Variants in MAML2 observed in about 807,000 individuals in gnomAD.
MAML2 encodes mastermind like transcriptional coactivator 2.
Under a neutral mutation model 96.1 loss-of-function variants are expected in MAML2, and 22 were observed. The ratio of observed to expected loss-of-function variants is 0.23; its 90% CI spans 0.16 to 0.33. MAML2 has a LOEUF of 0.33. Ranked by LOEUF, MAML2 falls within the 10% of genes least tolerant of loss-of-function variation. The pLI, the probability that MAML2 is intolerant of heterozygous loss-of-function variation, is 1.00. For missense variants in MAML2, 1,367 were observed against 1,392.4 expected (o/e 0.98, Z 0.29); for synonymous variants, 561 against 521.3 (o/e 1.08, Z -1.04).
intron 3 of MAML2, among the ~76,000 whole-genome samples, chr11:95,986,355 G>A (rs1339211175): frequency 2.6e-5 from 4 of 151,610 alleles, no homozygotes; most frequent in African/African-American, 7.3e-5. Flanking sequence ...CCGCCATCAC[G>A]CCCAGCAAAT....
intron 1 of MAML2, among the ~76,000 whole-genome samples, chr11:96,095,603 T>C (rs990235411): frequency 6.6e-6 from 1 of 152,154 alleles, no homozygotes; most frequent in Admixed American, 6.5e-5. Context: ...AGGAAGCAAA[T>C]CTGTAGAAAG....
intron 1 of MAML2, among the ~76,000 whole-genome samples, chr11:96,162,176 C>CTT (rs36006515): frequency 4.0e-4 from 42 of 105,938 alleles, no homozygotes; most frequent in South Asian, 1.5e-3. Flanking sequence ...ATCAATCTAA[C>CTT]TTTTTTTTTT....
chr11:96,083,172 C>A (rs1386269524), intron 2 of MAML2, among the ~76,000 whole-genome samples: 3 of 152,304 alleles, frequency 2.0e-5, no homozygotes, highest in Non-Finnish European at 4.4e-5. Flanking sequence ...CCAGTGTGTT[C>A]TTTATCCTGC....
chr11:96,139,260 G>A (rs1047096635), intron 1 of MAML2, among the ~76,000 whole-genome samples: 36 of 152,148 alleles, frequency 2.4e-4, no homozygotes, highest in African/African-American at 7.7e-4. Flanking sequence ...GGCAGATCAC[G>A]AGGTCAGGAG....
chr11:96,133,938 A>T (rs1218039841), intron 1 of MAML2, among the ~76,000 whole-genome samples: 1 of 152,168 alleles, frequency 6.6e-6, no homozygotes, highest in Non-Finnish European at 1.5e-5. Context: ...AGGTTGCAGT[A>T]AGCTGAGATC....
intron 1 of MAML2, among the ~76,000 whole-genome samples, chr11:96,240,856 C>G (rs907559971): frequency 9.9e-5 from 15 of 152,100 alleles, no homozygotes; most frequent in African/African-American, 3.4e-4. Flanking sequence ...ATACTATATA[C>G]ACACAAACTT....
rs568662660 is a variant in MAML2, at chr11:96,192,000, A to G, written c.514-98483T>C. Among the ~76,000 whole-genome samples the G allele has an allele frequency of 3.3e-5, 5 of 152,168 alleles. No individual in the cohort carries two copies. In the South Asian group the frequency reaches 1.0e-3, roughly 32 times the overall value. On this transcript the variant is annotated intron_variant, in intron 1 of 4. Coordinates refer to ENST00000524717, the MANE Select transcript of MAML2 (RefSeq NM_032427.4). ...TGTTCTGGCAGGAATTCCCGCAATG[A>G]ACGCTTTCCAACTGGGTAGTATACA...
At chr11:96,221,535 G>T (rs557564851) in intron 1 of MAML2, among the ~76,000 whole-genome samples, 1 of 152,134 alleles carries the variant, frequency 6.6e-6, no homozygotes, top group Admixed American at 6.6e-5. Context: ...GGGAAAGCAG[G>T]AAATATTGTT....
intron 1 of MAML2, among the ~76,000 whole-genome samples, chr11:96,306,866 G>C (rs1021482991): frequency 6.6e-6 from 1 of 152,162 alleles, no homozygotes; most frequent in Non-Finnish European, 1.5e-5. Flanking sequence ...GAGTGAGCAC[G>C]AGGAATTGAT....
intron 1 of MAML2, among the ~76,000 whole-genome samples, chr11:96,308,313 T>C (rs1343661203): frequency 1.3e-5 from 2 of 152,138 alleles, no homozygotes; most frequent in Non-Finnish European, 2.9e-5. Flanking sequence ...TACTAAACAA[T>C]AGTAGAATTC....
intron 2 of MAML2, among the ~76,000 whole-genome samples, chr11:96,009,195 C>T (rs747898003): frequency 9.2e-5 from 14 of 152,192 alleles, no homozygotes; most frequent in Non-Finnish European, 1.9e-4. Context: ...TTAATGCTAA[C>T]GATGGCCATT....
chr11:96,126,242 G>A (rs71475376), intron 1 of MAML2, among the ~76,000 whole-genome samples: 5,476 of 152,258 alleles, frequency 0.036, 122 homozygotes, highest in Middle Eastern at 0.061. Context: ...GATTTTCTGA[G>A]AGAAAATGAC....
chr11:96,156,065 C>T (rs373762240), intron 1 of MAML2, among the ~76,000 whole-genome samples: 1 of 152,172 alleles, frequency 6.6e-6, no homozygotes, highest in African/African-American at 2.4e-5. Context: ...GAAGAATTGG[C>T]CCTCTGCCTG....
chr11:96,321,465 T>C lies in MAML2; in HGVS notation c.513+19918A>G, dbSNP rs117585737. 5.3e-3 allele frequency among the ~76,000 whole-genome samples: 802 copies of C among 152,332 alleles called. 8 individuals are homozygous for C. The highest frequency in any genetic ancestry group is 0.02 in the South Asian group (95 of 4,830). On this transcript the variant is annotated intron_variant, in intron 1 of 4. Transcript: ENST00000524717. ...AAATTCCTTCCAGAGACAAAAGAAATAGACATATTTGCGATATTCCTTCCT... is the reference window on the plus strand; with the variant it reads ...AAATTCCTTCCAGAGACAAAAGAAACAGACATATTTGCGATATTCCTTCCT...
chr11:96,264,223 C>T (rs56052882), intron 1 of MAML2, among the ~76,000 whole-genome samples: 4,944 of 152,286 alleles, frequency 0.032, 106 homozygotes, highest in South Asian at 0.067. Flanking sequence ...CCCTCACAAA[C>T]TAAGATGTCA....
chr11:96,326,763 A>AAAATAAATAAATAAATAAATAAAT (rs146947017), intron 1 of MAML2, among the ~76,000 whole-genome samples: 4 of 151,898 alleles, frequency 2.6e-5, no homozygotes, highest in African/African-American at 9.7e-5. Flanking sequence ...AAAGTCTGTC[A>AAAATAAATAAATAAATAAATAAAT]AAGTAAATAA....
chr11:96,058,990 G>A (rs1859113201), intron 2 of MAML2, among the ~76,000 whole-genome samples: 1 of 152,194 alleles, frequency 6.6e-6, no homozygotes, highest in East Asian at 1.9e-4. Flanking sequence ...GCTGAGGCAC[G>A]AGAATTGCTT....
At chr11:96,287,709 A>T (rs1476522372) in intron 1 of MAML2, among the ~76,000 whole-genome samples, 1 of 152,236 alleles carries the variant, frequency 6.6e-6, no homozygotes, top group East Asian at 1.9e-4. Context: ...AAACAAAATC[A>T]TTAAATACTC....
At chr11:96,128,116 G>A (rs181287223) in intron 1 of MAML2, among the ~76,000 whole-genome samples, 22 of 152,210 alleles carry the variant, frequency 1.4e-4, no homozygotes, top group African/African-American at 4.6e-4. Flanking sequence ...TAATCCAGCC[G>A]TGTGCAGTGG....
Sources: gnomAD v4.1 joint callset for allele counts (sites outside exome capture counted in the v4.1 genomes callset) on GRCh38, gnomAD v4.1.1 for gene constraint, MANE v1.5 for transcripts, NCBI Gene and HGNC (gene_info 2026-07-23, HGNC 2026-07-21) for gene names.